Variants in GRID2 observed in about 807,000 individuals in gnomAD.
GRID2 encodes glutamate receptor ionotropic, delta-2.
GRID2 carries 33 observed loss-of-function variants against 114.8 expected under a neutral mutation model. That is an observed-to-expected ratio of 0.29 (90% CI 0.22 to 0.38). The LOEUF (loss-of-function observed/expected upper bound fraction) is 0.38. Ranked by LOEUF, GRID2 falls within the 10% of genes least tolerant of loss-of-function variation. The pLI, the probability that GRID2 is intolerant of heterozygous loss-of-function variation, is 1.00. For missense variants in GRID2, 1,184 were observed against 1,257.7 expected, an observed-to-expected ratio of 0.94 and a Z score of 0.89; for synonymous variants, 505 against 449.9, an observed-to-expected ratio of 1.12 and a Z score of -1.55.
intron 2 of GRID2, among the ~76,000 whole-genome samples, chr4:92,631,488 A>C (rs1730806535): frequency 6.6e-6 from 1 of 152,264 alleles, no homozygotes; most frequent in East Asian, 1.9e-4. Context: ...TACTTCTCTT[A>C]CAATCACAGG....
intron 8 of GRID2, among the ~76,000 whole-genome samples, chr4:93,393,703 T>C (rs1227988830): frequency 6.6e-6 from 1 of 152,000 alleles, no homozygotes; most frequent in East Asian, 1.9e-4. Flanking sequence ...TCCATAGCAT[T>C]GTTGAAACAA....
intron 1 of GRID2, among the ~76,000 whole-genome samples, chr4:92,385,704 A>C (rs1350833909): frequency 6.6e-6 from 1 of 151,528 alleles, no homozygotes; most frequent in East Asian, 1.9e-4. Flanking sequence ...TGTTTAAAAA[A>C]CAAATAGGTT....
At chr4:92,635,698 A>G (rs1731033935) in intron 2 of GRID2, among the ~76,000 whole-genome samples, 2 of 152,188 alleles carry the variant, frequency 1.3e-5, no homozygotes, top group South Asian at 2.1e-4. Context: ...AATTTTTATT[A>G]GGGAACATTT....
intron 2 of GRID2, among the ~76,000 whole-genome samples, chr4:92,967,629 G>A (rs578200772): frequency 6.6e-6 from 1 of 151,858 alleles, no homozygotes; most frequent in Non-Finnish European, 1.5e-5. Context: ...CATTTCGTGA[G>A]TTCTAATATA....
intron 2 of GRID2, among the ~76,000 whole-genome samples, chr4:93,018,221 T>C (rs1465500276): frequency 2.6e-5 from 2 of 77,026 alleles, no homozygotes; most frequent in Non-Finnish European, 4.3e-5. Flanking sequence ...TGTATTTTGT[T>C]GAAAAAAAAA....
At chr4:93,595,062 C>T (rs950860307) in intron 13 of GRID2, among the ~76,000 whole-genome samples, 7 of 152,190 alleles carry the variant, frequency 4.6e-5, no homozygotes, top group African/African-American at 1.7e-4. Context: ...TCCTATTCAG[C>T]CATCTTGGCT....
chr4:92,752,480 T>G (rs1737501684), intron 2 of GRID2, among the ~76,000 whole-genome samples: 1 of 152,158 alleles, frequency 6.6e-6, no homozygotes. Context: ...TGTACAAAAG[T>G]CAAATTATCA....
At chr4:93,227,418 G>C (rs573852631) in intron 7 of GRID2, among the ~76,000 whole-genome samples, 10 of 151,786 alleles carry the variant, frequency 6.6e-5, no homozygotes, top group Non-Finnish European at 1.3e-4. Context: ...TAGTAGAGAC[G>C]GGGTTTCATC....
intron 9 of GRID2, among the ~76,000 whole-genome samples, chr4:93,415,965 G>A (rs72668713): frequency 0.015 from 2,345 of 151,896 alleles, 21 homozygotes; most frequent in South Asian, 0.056. Context: ...AACATTTAAG[G>A]AAAGATTAAA....
chr4:93,584,860 T>G (rs1737372203), intron 13 of GRID2, among the ~76,000 whole-genome samples: 1 of 152,074 alleles, frequency 6.6e-6, no homozygotes, highest in South Asian at 2.1e-4. Context: ...GACTATAAAG[T>G]GGATGCCTAA....
intron 1 of GRID2, among the ~76,000 whole-genome samples, chr4:93,782,411 CTG>C (rs978363990): frequency 3.3e-5 from 5 of 152,182 alleles, no homozygotes; most frequent in African/African-American, 9.7e-5. Flanking sequence ...ATGGAATGAA[CTG>C]TGTTTGTTTG....
intron 2 of GRID2, among the ~76,000 whole-genome samples, chr4:92,726,484 T>A (rs562218688): frequency 1.3e-5 from 2 of 152,142 alleles, no homozygotes; most frequent in African/African-American, 2.4e-5. Flanking sequence ...GCTGCTTTTT[T>A]AATTGGTATA....
intron 2 of GRID2, among the ~76,000 whole-genome samples, chr4:92,651,706 T>C (rs897586282): frequency 1.3e-5 from 2 of 152,090 alleles, no homozygotes; most frequent in African/African-American, 2.4e-5. Context: ...TGAATTGATA[T>C]ATAATCACAC....
chr4:93,147,790 A>G (rs894695417), intron 4 of GRID2, among the ~76,000 whole-genome samples: 2 of 152,196 alleles, frequency 1.3e-5, no homozygotes, highest in East Asian at 3.9e-4. Context: ...ACCCTTTACT[A>G]TTTACACTCC....
chr4:93,224,657 A>T lies in GRID2; in HGVS notation c.1007A>T (p.Asn336Ile). Reference sequence around the variant, plus strand: ...TATGACACGGTGCTTCTGCTTGCTAATGCTTTTCATAAGAAGCTGGAGGAC... The same window carrying T: ...TATGACACGGTGCTTCTGCTTGCTATTGCTTTTCATAAGAAGCTGGAGGAC... ...YIYDTVLLLANAFHKKLEDRK... is the reference protein window; with the variant it reads ...YIYDTVLLLAIAFHKKLEDRK... Residue 336 changes from asparagine (N) to isoleucine (I), a missense_variant, in exon 7 of 16, where the codon AAT becomes ATT. By Grantham distance (149) the Asn-to-Ile change is moderately radical. This residue lies in a region of GRID2 where 455 missense variants were observed against 429.5 expected (regional missense o/e 1.06). Coordinates refer to ENST00000282020, the MANE Select transcript of GRID2 (RefSeq NM_001510.4). The T allele has an allele frequency of 6.2e-7, 1 of 1,611,578 alleles. No individual in the cohort carries two copies. Among genetic ancestry groups the T allele is most frequent in the Non-Finnish European group, 8.5e-7 (1 of 1,178,048 alleles).
intron 14 of GRID2, among the ~76,000 whole-genome samples, chr4:93,632,945 T>C (rs1721065448): frequency 6.6e-6 from 1 of 152,166 alleles, no homozygotes; most frequent in Non-Finnish European, 1.5e-5. Flanking sequence ...CCCTTGTAAG[T>C]TGGATTCCTA....
rs1311989118 is a variant in GRID2, at chr4:93,756,057, T to A, written c.2361-13153T>A. Among the ~76,000 whole-genome samples the A allele has an allele frequency of 5.3e-5, 8 of 152,134 alleles. No individual in the cohort carries two copies. In the East Asian group the frequency reaches 9.6e-4, roughly 18 times the overall value. ...AAAAAGTGAAACACCATAATGACAA[T>A]AGAAATGCTTTGCAAATTATGAAGT... On this transcript the variant is annotated intron_variant, in intron 14 of 15. Transcript: ENST00000282020.
At chr4:92,769,626 C>T (rs1417014054) in intron 2 of GRID2, among the ~76,000 whole-genome samples, 2 of 152,212 alleles carry the variant, frequency 1.3e-5, no homozygotes, top group Non-Finnish European at 2.9e-5. Context: ...GGTGGAGGTT[C>T]TCAAACCTCA....
At chr4:92,436,027 C>A (rs1181124057) in intron 1 of GRID2, among the ~76,000 whole-genome samples, 2 of 152,066 alleles carry the variant, frequency 1.3e-5, no homozygotes, top group Admixed American at 6.6e-5. Flanking sequence ...GCATATGAGA[C>A]TTCACAAGGA....
Sources: gnomAD v4.1 joint callset for allele counts (sites outside exome capture counted in the v4.1 genomes callset) on GRCh38, gnomAD v4.1.1 for gene constraint, gnomAD v4.1.1 regional missense constraint, MANE v1.5 for transcripts, NCBI Gene and HGNC (gene_info 2026-07-23, HGNC 2026-07-21) for gene names.